Variants in CAPRIN1 observed in about 807,000 individuals in gnomAD.
CAPRIN1 encodes caprin-1.
In CAPRIN1, 29 loss-of-function variants were observed where a neutral mutation model predicts 100.9. That is an observed-to-expected ratio of 0.29 (90% CI 0.21 to 0.39). The LOEUF is 0.39. Among genes scored for constraint, CAPRIN1 ranks in the 10% least tolerant of loss-of-function variants. The pLI, the probability that CAPRIN1 is intolerant of heterozygous loss-of-function variation, is 1.00. For synonymous variants in CAPRIN1, 338 were observed against 307.5 expected, an observed-to-expected ratio of 1.10 and a Z score of -1.04; for missense variants, 795 against 876.7, an observed-to-expected ratio of 0.91 and a Z score of 1.18.
chr11:34,053,627 A>AT (rs1349685339), intron 2 of CAPRIN1: 2 of 151,622 alleles, frequency 1.3e-5, no homozygotes, highest in African/African-American at 4.8e-5. Context: ...CACACCCACG[A>AT]TTTTTTGGAT....
At chr11:34,079,001 G>A (rs1454265232) in intron 6 of CAPRIN1, among the ~76,000 whole-genome samples, 1 of 139,680 alleles carries the variant, frequency 7.2e-6, no homozygotes, top group Non-Finnish European at 1.5e-5. Context: ...ATAACTTTTT[G>A]TTTTCCCAGT....
intron 4 of CAPRIN1, 86 bp downstream of exon 4, chr11:34,072,073 C>A: frequency 1.2e-6 from 1 of 812,498 alleles, no homozygotes; most frequent in Non-Finnish European, 2.0e-6. Context: ...GATAAGCTCT[C>A]TGCAAGGTGA....
chr11:34,085,031 T>G (rs1201369361), intron 9 of CAPRIN1, among the ~76,000 whole-genome samples: 1 of 152,054 alleles, frequency 6.6e-6, no homozygotes, highest in Non-Finnish European at 1.5e-5. Flanking sequence ...TTACACAGAT[T>G]GTTGGTTTCG....
chr11:34,083,414 C>T (rs1851070817), intron 9 of CAPRIN1, among the ~76,000 whole-genome samples: 1 of 152,174 alleles, frequency 6.6e-6, no homozygotes, highest in African/African-American at 2.4e-5. Flanking sequence ...GGTCACCAGG[C>T]TGTAGACTTC....
intron 9 of CAPRIN1, among the ~76,000 whole-genome samples, chr11:34,083,266 A>C (rs1851068483): frequency 6.6e-6 from 1 of 152,200 alleles, no homozygotes; most frequent in African/African-American, 2.4e-5. Flanking sequence ...ATTTTATACA[A>C]AGTTATCTGT....
intron 9 of CAPRIN1, among the ~76,000 whole-genome samples, chr11:34,085,035 G>T (rs1851111474): frequency 6.6e-6 from 1 of 151,964 alleles, no homozygotes; most frequent in Non-Finnish European, 1.5e-5. Context: ...ACAGATTGTT[G>T]GTTTCGCTTT....
chr11:34,076,477 A>G lies in CAPRIN1; in HGVS notation c.605+3A>G. 6.2e-7 allele frequency: 1 copy of G among 1,610,952 alleles called. No individual in the cohort carries two copies. ...CCTGAACGGGACATGAGCTTGAGGT[A>G]TTAGTGGTATTTGATAATAGAAACT... is the stretch of plus-strand genomic sequence containing the variant. On this transcript the variant is annotated splice_donor_region_variant and intron_variant, in intron 5 of 18. Transcript: ENST00000341394.
At chr11:34,053,541 A>T (rs1850380793) in intron 2 of CAPRIN1, 1 of 150,880 alleles carries the variant, frequency 6.6e-6, no homozygotes, top group Non-Finnish European at 1.5e-5. Context: ...GCGAAAGCAG[A>T]GGGGGAGGGC....
intron 1 of CAPRIN1, 39 bp from the exon 2 acceptor site, chr11:34,052,378 GTCCT>G (rs1272720837): frequency 6.5e-7 from 1 of 1,528,004 alleles, no homozygotes; most frequent in South Asian, 1.1e-5. Context: ...GGCCGCTCTT[GTCCT>G]TCCTCCCGCT....
At chr11:34,065,028 C>T (rs936927796) in intron 2 of CAPRIN1, among the ~76,000 whole-genome samples, 5 of 141,772 alleles carry the variant, frequency 3.5e-5, no homozygotes, top group African/African-American at 5.3e-5. Flanking sequence ...GGCGCTATCT[C>T]GGCTCACTGC....
chr11:34,055,984 C>CT (rs1420005413), intron 2 of CAPRIN1, among the ~76,000 whole-genome samples: 2 of 152,076 alleles, frequency 1.3e-5, no homozygotes, highest in African/African-American at 2.4e-5. Context: ...AGTTTAAATC[C>CT]TTTTTATATT....
intron 1 of CAPRIN1, 102 bp downstream of exon 1, chr11:34,051,973 C>G (rs967340455): frequency 6.6e-6 from 1 of 152,084 alleles, no homozygotes; most frequent in African/African-American, 2.4e-5. Context: ...GGCTTGCCCC[C>G]AAGTCCCCCC....
At chr11:34,064,748 T>C (rs1337993050) in intron 2 of CAPRIN1, among the ~76,000 whole-genome samples, 2 of 152,120 alleles carry the variant, frequency 1.3e-5, no homozygotes, top group African/African-American at 4.8e-5. Flanking sequence ...GCCTTTGTTT[T>C]TTCTCTCTCA....
At chr11:34,081,518 G>A (rs1369339377) in intron 7 of CAPRIN1, among the ~76,000 whole-genome samples, 1 of 149,798 alleles carries the variant, frequency 6.7e-6, no homozygotes, top group South Asian at 2.1e-4. Flanking sequence ...TTTTGAGTCA[G>A]AGTCTAGTTC....
In CAPRIN1 at chr11:34,086,428, A is replaced by C. The variant is rs1389860883; in HGVS notation, c.1231+15A>C. 1.4e-6 allele frequency: 2 copies of C among 1,444,692 alleles called. No homozygotes were observed. The highest frequency in any genetic ancestry group is 2.8e-5 in the African/African-American group (2 of 70,438). 89.5% of individuals were successfully genotyped at this position (1,444,692 alleles called of 1,614,324 possible). ...TTGCCCTCCAGGTTAGTAGTGGTAC[A>C]TTTTTATGTGAGAGAGAAATATAAG... On this transcript the variant is annotated intron_variant, in intron 11 of 18. Coordinates refer to ENST00000341394, the MANE Select transcript of CAPRIN1 (RefSeq NM_005898.5).
At chr11:34,074,096 G>A (rs747747878) in intron 4 of CAPRIN1, among the ~76,000 whole-genome samples, 1 of 152,182 alleles carries the variant, frequency 6.6e-6, no homozygotes, top group East Asian at 1.9e-4. Context: ...GGAGGGTTAA[G>A]TTTCTAACAC....
intron 4 of CAPRIN1, among the ~76,000 whole-genome samples, chr11:34,075,872 G>T (rs1285221676): frequency 6.6e-6 from 1 of 152,070 alleles, no homozygotes; most frequent in African/African-American, 2.4e-5. Context: ...GAAACTCTTT[G>T]TACCTGTACC....
chr11:34,084,040 A>T (rs745645130), intron 9 of CAPRIN1, among the ~76,000 whole-genome samples: 1 of 151,864 alleles, frequency 6.6e-6, no homozygotes, highest in African/African-American at 2.4e-5. Flanking sequence ...CTGCATTCCA[A>T]CCTGGTTGAC....
intron 11 of CAPRIN1, 37 bp downstream of exon 11, chr11:34,086,450 T>G: frequency 8.4e-7 from 1 of 1,190,020 alleles, no homozygotes. Context: ...GAGAGAAATA[T>G]AAGGCCAGTA....
Sources: allele counts gnomAD v4.1 joint callset (sites outside exome capture counted in the v4.1 genomes callset), GRCh38; gene constraint gnomAD v4.1.1; transcripts MANE v1.5; gene names NCBI Gene and HGNC (gene_info 2026-07-23, HGNC 2026-07-21).